The following KDM4C variants were observed in gnomAD, a reference collection of about 807,000 sequenced individuals.
KDM4C encodes the protein lysine demethylase 4C.
Under a neutral mutation model 129.3 loss-of-function variants are expected in KDM4C, and 81 were observed. That is an observed-to-expected ratio of 0.63 (90% CI 0.52 to 0.75). The LOEUF (loss-of-function observed/expected upper bound fraction) is 0.75, where lower values mean the gene tolerates loss of function less well. Among genes scored for constraint, KDM4C ranks in the 30% least tolerant of loss-of-function variants. The pLI is 0.00. For missense variants in KDM4C, 1,457 were observed against 1,304.0 expected, an observed-to-expected ratio of 1.12 and a Z score of -1.81; for synonymous variants, 573 against 456.1, an observed-to-expected ratio of 1.26 and a Z score of -3.26.
intron 9 of KDM4C, among the ~76,000 whole-genome samples, chr9:6,983,149 C>T (rs148189896): frequency 5.9e-5 from 9 of 152,270 alleles, no homozygotes; most frequent in Admixed American, 1.3e-4. Flanking sequence ...CCATCAGTAG[C>T]AGTGAAAGCT....
intron 8 of KDM4C, among the ~76,000 whole-genome samples, chr9:6,943,242 A>T (rs1300525815): frequency 6.6e-6 from 1 of 152,132 alleles, no homozygotes. Context: ...GAAACAATTG[A>T]ATGTGATTTC....
chr9:6,862,380 G>A (rs919625709), intron 5 of KDM4C, among the ~76,000 whole-genome samples: 10 of 152,066 alleles, frequency 6.6e-5, no homozygotes, highest in African/African-American at 2.2e-4. Context: ...TTCAGGCTTT[G>A]TGTATTTTTT....
intron 8 of KDM4C, among the ~76,000 whole-genome samples, chr9:6,942,995 A>G (rs1293907238): frequency 6.6e-6 from 1 of 152,040 alleles, no homozygotes; most frequent in Non-Finnish European, 1.5e-5. Context: ...CCTCCTGAGT[A>G]GCTACGACTA....
chr9:6,760,230 C>A (rs1034983337), intron 1 of KDM4C, among the ~76,000 whole-genome samples: 3 of 151,762 alleles, frequency 2.0e-5, no homozygotes, highest in Admixed American at 1.3e-4. Context: ...TGAGTGACTT[C>A]TTTCACTTGG....
intron 1 of KDM4C, among the ~76,000 whole-genome samples, chr9:6,729,227 AG>A (rs67071298): frequency 0.052 from 5,399 of 104,104 alleles, 541 homozygotes; most frequent in Non-Finnish European, 0.077. Context: ...AAAAAAAAAA[AG>A]AAGAAGAAAA....
At chr9:7,031,461 A>G (rs1194271140) in intron 15 of KDM4C, among the ~76,000 whole-genome samples, 1 of 152,106 alleles carries the variant, frequency 6.6e-6, no homozygotes, top group Non-Finnish European at 1.5e-5. Context: ...GCACCTGGCC[A>G]GTTTTTTTAA....
intron 1 of KDM4C, among the ~76,000 whole-genome samples, chr9:6,724,519 A>G (rs1233802320): frequency 3.9e-5 from 6 of 152,050 alleles, no homozygotes; most frequent in Non-Finnish European, 8.8e-5. Context: ...TGGACATATT[A>G]TTATTATTGT....
intron 18 of KDM4C, among the ~76,000 whole-genome samples, chr9:7,116,155 A>G (rs890843165): frequency 8.5e-5 from 13 of 152,184 alleles, no homozygotes; most frequent in Admixed American, 4.6e-4. Flanking sequence ...AGCAGGAGAC[A>G]TGGAGAAGTG....
Position 7,014,273 on chromosome 9 carries a change from C to G in KDM4C, c.2182+272C>G, listed in dbSNP as rs1166339875. 3.1e-5 allele frequency: 10 copies of G among 326,538 alleles called. No individual in the cohort carries two copies. The South Asian group carries it at 7.7e-4, about 25-fold the overall frequency. The allele number at this position is 326,538 out of a possible 1,614,324, so 20.2% of individuals were successfully genotyped here. A position where few individuals can be genotyped will look rare whatever the true frequency, so the allele number is the denominator to read the frequency against. ...CCAGTTGAGGAGTCATGATGGGGTT[C>G]CTTTCACATGTTTGGATTTTACTTA... On this transcript the variant is annotated intron_variant, in intron 14 of 21. Coordinates refer to ENST00000381309, the MANE Select transcript of KDM4C (RefSeq NM_015061.6).
At chr9:7,139,738 C>G (rs1387673807) in intron 19 of KDM4C, among the ~76,000 whole-genome samples, 1 of 152,082 alleles carries the variant, frequency 6.6e-6, no homozygotes, top group African/African-American at 2.4e-5. Flanking sequence ...ACTAGTAAAA[C>G]CTTTTTTCTA....
chr9:6,992,480 T>C (rs1818934002), intron 12 of KDM4C, among the ~76,000 whole-genome samples: 1 of 152,182 alleles, frequency 6.6e-6, no homozygotes, highest in Admixed American at 6.5e-5. Context: ...TCTGGGGATT[T>C]TTCAGAATTG....
At chr9:6,735,740 G>A (rs138657307) in intron 1 of KDM4C, among the ~76,000 whole-genome samples, 38 of 152,254 alleles carry the variant, frequency 2.5e-4, no homozygotes, top group African/African-American at 6.0e-4. Flanking sequence ...TATCAGCAGC[G>A]TGAAAATGGA....
At chr9:6,888,659 G>T (rs1223912367) in intron 7 of KDM4C, among the ~76,000 whole-genome samples, 2 of 152,062 alleles carry the variant, frequency 1.3e-5, no homozygotes, top group African/African-American at 4.8e-5. Context: ...ACATTTTTAT[G>T]TGAAGCAGCT....
At chr9:6,968,147 T>A (rs989710451) in intron 8 of KDM4C, among the ~76,000 whole-genome samples, 11 of 152,180 alleles carry the variant, frequency 7.2e-5, no homozygotes, top group Admixed American at 7.2e-4. Flanking sequence ...AGAACTAAGA[T>A]AGGCCTCCTT....
At chr9:6,961,932 A>G (rs1830120431) in intron 8 of KDM4C, among the ~76,000 whole-genome samples, 1 of 152,232 alleles carries the variant, frequency 6.6e-6, no homozygotes, top group Admixed American at 6.5e-5. Flanking sequence ...GCATGTATAA[A>G]TCAAAGACTG....
At chr9:6,846,827 TAATTA>T (rs1000588428) in intron 4 of KDM4C, among the ~76,000 whole-genome samples, 2 of 152,202 alleles carry the variant, frequency 1.3e-5, no homozygotes, top group Non-Finnish European at 2.9e-5. Context: ...TCAGTTCTAA[TAATTA>T]AATTTTATTT....
intron 17 of KDM4C, among the ~76,000 whole-genome samples, chr9:7,057,633 C>T (rs2381539): frequency 0.12 from 18,073 of 152,236 alleles, 1,358 homozygotes; most frequent in African/African-American, 0.2. Context: ...AGTGATTTTT[C>T]CCCCTTTATT....
intron 12 of KDM4C, among the ~76,000 whole-genome samples, chr9:7,010,841 C>G (rs772421554): frequency 6.6e-6 from 1 of 152,018 alleles, no homozygotes; most frequent in Non-Finnish European, 1.5e-5. Context: ...GTCAGGAGTT[C>G]TAGACCAGCC....
chr9:6,874,805 G>A (rs1843311127), intron 5 of KDM4C, among the ~76,000 whole-genome samples: 1 of 152,012 alleles, frequency 6.6e-6, no homozygotes, highest in Non-Finnish European at 1.5e-5. Context: ...TGAAAATGTG[G>A]ACTGGCACAG....
Sources: allele counts gnomAD v4.1 joint callset (sites outside exome capture counted in the v4.1 genomes callset), GRCh38; gene constraint gnomAD v4.1.1; transcripts MANE v1.5; gene names NCBI Gene and HGNC (gene_info 2026-07-23, HGNC 2026-07-21).